LMBR1L: variants seen among roughly 807,000 people sequenced by gnomAD.
LMBR1L encodes protein LMBR1L.
In LMBR1L, 47 loss-of-function variants were observed where a neutral mutation model predicts 67.3. That is an observed-to-expected ratio of 0.70 (90% CI 0.55 to 0.89). The LOEUF (loss-of-function observed/expected upper bound fraction) is 0.89, where lower values mean the gene tolerates loss of function less well. Ranked by LOEUF, LMBR1L falls within the 40% of genes least tolerant of loss-of-function variation. The pLI, the probability that LMBR1L is intolerant of heterozygous loss-of-function variation, is 0.00. For synonymous variants in LMBR1L, 247 were observed against 250.3 expected (o/e 0.99, Z 0.13); for missense variants, 533 against 599.2 (o/e 0.89, Z 1.15).
Position 49,097,671 on chromosome 12 carries a change from G to A in LMBR1L, c.*1C>T. On this transcript the variant is annotated 3_prime_UTR_variant, in exon 17 of 17. Coordinates refer to ENST00000267102, the MANE Select transcript of LMBR1L (RefSeq NM_018113.4). ...TTTTCCTTCCCACCCCCAGCTGGAG[G>A]TCACTGGTGCTGGGTCTTCCTAGAT... 2 of 1,613,250 alleles carry A rather than the reference G, an allele frequency of 1.2e-6. No individual in the cohort carries two copies. The highest frequency in any genetic ancestry group is 1.7e-6 in the Non-Finnish European group (2 of 1,179,922).
intron 16 of LMBR1L, 43 bp from the exon 17 acceptor site, chr12:49,097,782 C>T (rs1426414603): frequency 6.2e-7 from 1 of 1,612,914 alleles, no homozygotes; most frequent in East Asian, 2.2e-5. Flanking sequence ...GTCAAAGGTC[C>T]AGTCCGTTAG....
At position 49,100,650 on chromosome 12, in the gene LMBR1L, C is replaced by A. The variant is rs1052735366; in HGVS notation, c.1083-4G>T. ...AACTGAGGACACCATTAGGTAACTGCCACTGCATTAAGGAAGAACTGGCTG... is the reference window on the plus strand; with the variant it reads ...AACTGAGGACACCATTAGGTAACTGACACTGCATTAAGGAAGAACTGGCTG... On this transcript the variant is annotated splice_polypyrimidine_tract_variant and splice_region_variant and intron_variant, in intron 13 of 16. Transcript: ENST00000267102. 3.1e-6 allele frequency: 5 copies of A among 1,608,428 alleles called. No individual in the cohort carries two copies. In the African/African-American group the frequency reaches 5.4e-5, roughly 17 times the overall value.
At chr12:49,101,720 G>A (rs1458858273) in intron 11 of LMBR1L, 171 bp from the exon 12 acceptor site, 2 of 603,504 alleles carry the variant, frequency 3.3e-6, no homozygotes, top group Admixed American at 3.0e-5. Context: ...GTGCCTTTGA[G>A]GATATTATAA....
Position 49,097,748 on chromosome 12 carries a change from G to C in LMBR1L, c.1403-9C>G. 2.5e-6 allele frequency: 4 copies of C among 1,614,040 alleles called. No individual in the cohort carries two copies. In the South Asian group the frequency reaches 4.4e-5, roughly 18 times the overall value. On this transcript the variant is annotated splice_polypyrimidine_tract_variant and intron_variant, in intron 16 of 16. Coordinates refer to ENST00000267102, the MANE Select transcript of LMBR1L (RefSeq NM_018113.4). Reference sequence around the variant, plus strand: ...CGGCAGTCTGTCCAGCCCTGGAGAAGAGGAGATGGGCAGTCAAAAGCAAGT... The same window carrying C: ...CGGCAGTCTGTCCAGCCCTGGAGAACAGGAGATGGGCAGTCAAAAGCAAGT...
intron 1 of LMBR1L, among the ~76,000 whole-genome samples, chr12:49,108,254 C>T (rs1254100178): frequency 6.6e-6 from 1 of 151,150 alleles, no homozygotes; most frequent in Non-Finnish European, 1.5e-5. Context: ...CAGAGCAAGA[C>T]TCCATCTCAA....
intron 6 of LMBR1L, among the ~76,000 whole-genome samples, 193 bp downstream of exon 6, chr12:49,103,494 T>A (rs1013424669): frequency 2.6e-5 from 4 of 152,214 alleles, no homozygotes; most frequent in Non-Finnish European, 4.4e-5. Flanking sequence ...TAATATATAT[T>A]TTTAAAACCA....
intron 3 of LMBR1L, among the ~76,000 whole-genome samples, chr12:49,105,666 A>G (rs1844386493): frequency 6.6e-6 from 1 of 152,058 alleles, no homozygotes; most frequent in Non-Finnish European, 1.5e-5. Context: ...AGCTGGAGCC[A>G]TTTCCGGTGA....
At chr12:49,104,572 C>A (rs762836351) in intron 4 of LMBR1L, 21 bp from the exon 5 acceptor site, 1 of 1,597,854 alleles carries the variant, frequency 6.3e-7, no homozygotes, top group Non-Finnish European at 8.6e-7. Flanking sequence ...AAAGGAAGAG[C>A]AGAAGTGGTC....
In LMBR1L at chr12:49,104,810, A is replaced by G. The variant is rs147843318; in HGVS notation, c.267T>C (p.Asn89=). ...TCCGAGGCAGGGAGAGCAGCACCTC[A>G]TTGCTGATGATGGAGAAGGGCAGGA... ...VLLLPFSIIS[N]EVLLSLPRNY... Residue 89 remains asparagine, a synonymous_variant, in exon 4 of 17, where the codon AAT becomes AAC. Coordinates refer to ENST00000267102, the MANE Select transcript of LMBR1L (RefSeq NM_018113.4). 1.4e-3 allele frequency: 2,332 copies of G among 1,613,648 alleles called. 3 individuals are homozygous for G. Among genetic ancestry groups the G allele is most frequent in the Non-Finnish European group, 1.9e-3 (2,226 of 1,179,856 alleles).
In LMBR1L at chr12:49,100,524, C is replaced by T. The variant is rs948203808; in HGVS notation, c.1173+32G>A. 6 of 1,609,724 alleles carry T rather than the reference C, an allele frequency of 3.7e-6. No individual in the cohort carries two copies. In the East Asian group the frequency reaches 1.1e-4, roughly 30 times the overall value. On this transcript the variant is annotated intron_variant, in intron 14 of 16. Transcript: ENST00000267102. ...AGGCACCTAGTGCCCATCCACACCC[C>T]CCGGGAGCTTCCCTTACTCCCTCCC...
intron 1 of LMBR1L, chr12:49,109,649 A>T (rs563143848): frequency 6.6e-6 from 3 of 455,538 alleles, no homozygotes; most frequent in African/African-American, 6.0e-5. Context: ...GGAAGGACAC[A>T]GGAGAAAGGA....
rs1244437193 is a variant in LMBR1L, at chr12:49,104,477, CAG to C, written c.404_405del (p.Thr135ArgfsTer3). ...CTGGAGCCAGCAAAGCCCTCAGACT[CAG>C]TGAAGAAATATGCAAAGGGCATGAG... ...IFLMPFAYFF[T>X]ESEGFAGSRK... On this transcript the variant is annotated frameshift_variant, in exon 5 of 17. Coordinates refer to ENST00000267102, the MANE Select transcript of LMBR1L (RefSeq NM_018113.4). LOFTEE classifies it high-confidence loss of function. 9.3e-6 allele frequency: 15 copies of C among 1,613,642 alleles called. No individual in the cohort carries two copies. The highest frequency in any genetic ancestry group is 1.2e-5 in the Non-Finnish European group (14 of 1,179,764).
chr12:49,102,061 C>T, intron 11 of LMBR1L, 59 bp downstream of exon 11: 1 of 1,472,608 alleles, frequency 6.8e-7, no homozygotes, highest in Non-Finnish European at 9.5e-7. Flanking sequence ...CTCCCCTCTC[C>T]CTGAGAAGGC....
chr12:49,101,262 A>C lies in LMBR1L; in HGVS notation c.1070T>G (p.Val357Gly). The change falls in exon 13 of 17, where the codon GTT becomes GGT. Residue 357 changes from valine to glycine, a missense_variant. By Grantham distance (109) the Val-to-Gly change is moderately radical (BLOSUM62 -3). Transcript: ENST00000267102. ...TCCAGAAGGATACAAGATGAGTACA[A>C]CCTGAATGACGGCACCAAAGGAGCC... ...KLGSFGAVIQ[V>G]VLIFYLMVSS... 6.2e-7 allele frequency: 1 copy of C among 1,614,140 alleles called. No individual in the cohort carries two copies. Among genetic ancestry groups the C allele is most frequent in the Non-Finnish European group, 8.5e-7 (1 of 1,180,024 alleles).
chr12:49,098,111 G>T lies in LMBR1L; in HGVS notation c.1241-6C>A, dbSNP rs748916826. On this transcript the variant is annotated splice_polypyrimidine_tract_variant and splice_region_variant and intron_variant, in intron 15 of 16. Coordinates refer to ENST00000267102, the MANE Select transcript of LMBR1L (RefSeq NM_018113.4). ...CAGGTCAAAGCGAGTGAGCCCTGAA[G>T]CACAAAGGCCAGGATGAGAGGTGGG... 2 of 1,610,978 alleles carry T rather than the reference G, an allele frequency of 1.2e-6. No individual in the cohort carries two copies. Among genetic ancestry groups the T allele is most frequent in the African/African-American group, 2.7e-5 (2 of 74,880 alleles).
Position 49,105,850 on chromosome 12 carries a change from C to T in LMBR1L, c.191+74G>A, listed in dbSNP as rs370912762. On this transcript the variant is annotated intron_variant, in intron 3 of 16. Transcript: ENST00000267102. ...ACTGTGTGAGACTTCCCCCTTCTCC[C>T]TCCAGCTCCAGGCCTCCCTAGATCC... 4 of 1,276,290 alleles carry T rather than the reference C, an allele frequency of 3.1e-6. No individual in the cohort carries two copies. In the South Asian group the frequency reaches 5.2e-5, roughly 16 times the overall value. The allele number at this position is 1,276,290 out of a possible 1,614,324, so 79.1% of individuals were successfully genotyped here.
At chr12:49,107,357 GA>G (rs1941038592) in intron 1 of LMBR1L, among the ~76,000 whole-genome samples, 1 of 152,218 alleles carries the variant, frequency 6.6e-6, no homozygotes, top group African/African-American at 2.4e-5. Flanking sequence ...AATGGGCAAA[GA>G]AAACTCCTAG....
At chr12:49,108,141 T>C (rs1941130698) in intron 1 of LMBR1L, among the ~76,000 whole-genome samples, 1 of 152,104 alleles carries the variant, frequency 6.6e-6, no homozygotes, top group Non-Finnish European at 1.5e-5. Flanking sequence ...TGCATACCTG[T>C]AATCCCAGCT....
chr12:49,105,707 A>C (rs1178237856), intron 3 of LMBR1L, among the ~76,000 whole-genome samples: 1 of 152,160 alleles, frequency 6.6e-6, no homozygotes, highest in African/African-American at 2.4e-5. Flanking sequence ...CCTGGCCATG[A>C]GGCTCCCACA....
Sources: allele counts gnomAD v4.1 joint callset (sites outside exome capture counted in the v4.1 genomes callset), GRCh38; gene constraint gnomAD v4.1.1; transcripts MANE v1.5; gene names NCBI Gene and HGNC (gene_info 2026-07-23, HGNC 2026-07-21).